The following CAMTA1 variants were observed in gnomAD, a reference collection of about 807,000 sequenced individuals.
CAMTA1 encodes calmodulin-binding transcription activator 1.
Under a neutral mutation model 170.9 loss-of-function variants are expected in CAMTA1, and 27 were observed. The observed-to-expected ratio is 0.16, with a 90% CI of 0.12 to 0.22. CAMTA1 has a LOEUF of 0.22. Among genes scored for constraint, CAMTA1 ranks in the 10% least tolerant of loss-of-function variants. The pLI, the probability that CAMTA1 is intolerant of heterozygous loss-of-function variation, is 1.00. For missense variants in CAMTA1, 1,619 were observed against 2,217.2 expected, an observed-to-expected ratio of 0.73 and a Z score of 5.42; for synonymous variants, 833 against 891.5, an observed-to-expected ratio of 0.93 and a Z score of 1.17.
intron 4 of CAMTA1, among the ~76,000 whole-genome samples, chr1:7,125,389 A>C (rs1644872506): frequency 6.6e-6 from 1 of 152,160 alleles, no homozygotes; most frequent in African/African-American, 2.4e-5. Context: ...GGGGAGACAG[A>C]AGTAGATAGG....
intron 5 of CAMTA1, among the ~76,000 whole-genome samples, chr1:7,420,502 T>C (rs1433162012): frequency 1.3e-5 from 2 of 152,262 alleles, no homozygotes; most frequent in East Asian, 1.9e-4. Context: ...CAGGAAATCA[T>C]GTCTAGTGAA....
intron 5 of CAMTA1, among the ~76,000 whole-genome samples, chr1:7,427,944 C>T (rs924167080): frequency 1.3e-5 from 2 of 152,134 alleles, no homozygotes; most frequent in South Asian, 2.1e-4. Flanking sequence ...TTGGGGATTA[C>T]AGAAATGAGC....
At chr1:6,945,857 A>G (rs1365590027) in intron 3 of CAMTA1, among the ~76,000 whole-genome samples, 1 of 152,226 alleles carries the variant, frequency 6.6e-6, no homozygotes, top group Non-Finnish European at 1.5e-5. Flanking sequence ...ATTGCTGGAT[A>G]ACATCCTGTT....
intron 5 of CAMTA1, among the ~76,000 whole-genome samples, chr1:7,460,874 A>G (rs1431411518): frequency 6.6e-6 from 1 of 151,962 alleles, no homozygotes; most frequent in Non-Finnish European, 1.5e-5. Context: ...AGCGGCAGAG[A>G]GATGGGCCCA....
intron 21 of CAMTA1, among the ~76,000 whole-genome samples, chr1:7,753,510 A>G (rs2096911766): frequency 6.6e-6 from 1 of 152,184 alleles, no homozygotes; most frequent in Non-Finnish European, 1.5e-5. Context: ...TTCATATTTA[A>G]TTGGATTCCT....
intron 3 of CAMTA1, among the ~76,000 whole-genome samples, chr1:7,055,804 C>G (rs562273433): frequency 2.6e-5 from 4 of 152,344 alleles, no homozygotes; most frequent in Admixed American, 6.5e-5. Flanking sequence ...ACACTGGGGG[C>G]CCAGGCCACG....
At chr1:7,336,249 G>T (rs1298435643) in intron 5 of CAMTA1, among the ~76,000 whole-genome samples, 1 of 152,236 alleles carries the variant, frequency 6.6e-6, no homozygotes, top group African/African-American at 2.4e-5. Flanking sequence ...GCTGTGGCCT[G>T]GGGCTGTGTG....
intron 4 of CAMTA1, among the ~76,000 whole-genome samples, chr1:7,121,063 C>A (rs918819017): frequency 2.6e-5 from 4 of 152,198 alleles, no homozygotes; most frequent in African/African-American, 9.7e-5. Context: ...CTCCTAGGGG[C>A]CTGGTGGCCA....
intron 5 of CAMTA1, among the ~76,000 whole-genome samples, chr1:7,355,842 G>C (rs915593177): frequency 6.6e-6 from 1 of 152,258 alleles, no homozygotes; most frequent in Non-Finnish European, 1.5e-5. Flanking sequence ...TCTTGGCGTT[G>C]CACATCTGTT....
At chr1:6,803,462 A>C (rs1196632845) in intron 1 of CAMTA1, among the ~76,000 whole-genome samples, 1 of 152,200 alleles carries the variant, frequency 6.6e-6, no homozygotes, top group African/African-American at 2.4e-5. Flanking sequence ...AAACAAAATT[A>C]TAGAAGACAG....
chr1:7,714,935 C>G (rs995774044), intron 11 of CAMTA1, among the ~76,000 whole-genome samples: 2 of 152,170 alleles, frequency 1.3e-5, no homozygotes, highest in Non-Finnish European at 2.9e-5. Flanking sequence ...ACTCACTGCC[C>G]CCTTTTGCTT....
chr1:7,678,198 G>A (rs563712858), intron 11 of CAMTA1, among the ~76,000 whole-genome samples: 2 of 152,390 alleles, frequency 1.3e-5, no homozygotes, highest in African/African-American at 4.8e-5. Context: ...CGGGGAGGCA[G>A]CTCAGGCCTG....
intron 4 of CAMTA1, among the ~76,000 whole-genome samples, chr1:7,096,564 C>T (rs1034839384): frequency 7.2e-5 from 11 of 152,136 alleles, no homozygotes; most frequent in African/African-American, 2.4e-4. Context: ...AGAGCCACCT[C>T]GTTTGTGGAG....
At chr1:7,442,711 T>C (rs548224706) in intron 5 of CAMTA1, among the ~76,000 whole-genome samples, 1 of 152,344 alleles carries the variant, frequency 6.6e-6, no homozygotes, top group East Asian at 1.9e-4. Context: ...ATGCGGATGC[T>C]GATAATCCTG....
chr1:7,132,608 G>T (rs1041506611), intron 4 of CAMTA1, among the ~76,000 whole-genome samples: 1 of 152,192 alleles, frequency 6.6e-6, no homozygotes. Flanking sequence ...CACTTTGGGA[G>T]GCTGAGGCTG....
At chr1:7,695,984 T>A (rs1326169346) in intron 11 of CAMTA1, among the ~76,000 whole-genome samples, 1 of 152,134 alleles carries the variant, frequency 6.6e-6, no homozygotes, top group Non-Finnish European at 1.5e-5. Context: ...TTGGTACTTA[T>A]TATTCTTAGG....
intron 3 of CAMTA1, among the ~76,000 whole-genome samples, chr1:6,842,684 G>A (rs1191858974): frequency 6.6e-6 from 1 of 152,220 alleles, no homozygotes; most frequent in Non-Finnish European, 1.5e-5. Context: ...CACTTTGGGA[G>A]GCCGAGGCAG....
At chr1:6,831,032 A>G (rs536936958) in intron 3 of CAMTA1, among the ~76,000 whole-genome samples, 2 of 150,928 alleles carry the variant, frequency 1.3e-5, no homozygotes, top group Admixed American at 6.6e-5. Context: ...GTTGGCCAGG[A>G]TGGTCTCGAT....
Position 6,887,475 on chromosome 1 carries a change from G to A in CAMTA1, c.234+62265G>A, listed in dbSNP as rs959972746. ...TGTACATGTGTATAGTATGTGGGTG[G>A]GGGTAGATACATACCTGTTCATCTG... On this transcript the variant is annotated intron_variant, in intron 3 of 22. Coordinates refer to ENST00000303635, the MANE Select transcript of CAMTA1 (RefSeq NM_015215.4). The surrounding 1 kb of genome is among the most constrained non-coding windows in gnomAD (Gnocchi z 4.1). Among the ~76,000 whole-genome samples, 2 of 152,112 alleles carry A rather than the reference G, an allele frequency of 1.3e-5. No homozygotes were observed. Among genetic ancestry groups the A allele is most frequent in the African/African-American group, 4.8e-5 (2 of 41,426 alleles).
Sources: allele counts gnomAD v4.1 joint callset (sites outside exome capture counted in the v4.1 genomes callset), GRCh38; gene constraint gnomAD v4.1.1; non-coding constraint Gnocchi (gnomAD v3.1); transcripts MANE v1.5; gene names NCBI Gene and HGNC (gene_info 2026-07-23, HGNC 2026-07-21).